The following ADAMTSL1 variants were observed in gnomAD, a reference collection of about 807,000 sequenced individuals.
ADAMTSL1 encodes ADAMTS like 1.
In ADAMTSL1, 126 loss-of-function variants were observed where a neutral mutation model predicts 201.8. The ratio of observed to expected loss-of-function variants is 0.62; its 90% CI spans 0.54 to 0.72. The LOEUF (loss-of-function observed/expected upper bound fraction) is 0.72, where lower values mean the gene tolerates loss of function less well. Ranked by LOEUF, ADAMTSL1 falls within the 30% of genes least tolerant of loss-of-function variation. The probability of loss-of-function intolerance (pLI) is 0.00; values close to 1 mark genes in which losing one functional copy is unlikely to be tolerated. For synonymous variants in ADAMTSL1, 1,121 were observed against 903.4 expected, an observed-to-expected ratio of 1.24 and a Z score of -4.32; for missense variants, 2,679 against 2,277.8, an observed-to-expected ratio of 1.18 and a Z score of -3.59.
intron 20 of ADAMTSL1, among the ~76,000 whole-genome samples, chr9:18,806,382 C>G (rs1183177016): frequency 6.6e-6 from 1 of 152,172 alleles, no homozygotes; most frequent in Non-Finnish European, 1.5e-5. Context: ...GGAAAATTAT[C>G]TAGCTGTGTG....
At chr9:18,560,410 C>T (rs1821409545) in intron 3 of ADAMTSL1, among the ~76,000 whole-genome samples, 1 of 152,092 alleles carries the variant, frequency 6.6e-6, no homozygotes. Flanking sequence ...TTCAGTTTGC[C>T]AGTATTTTGT....
intron 1 of ADAMTSL1, among the ~76,000 whole-genome samples, chr9:18,090,842 C>A (rs1003060740): frequency 3.9e-5 from 6 of 152,124 alleles, no homozygotes; most frequent in Admixed American, 3.3e-4. Flanking sequence ...TCTGCCTTCT[C>A]TCCTTCCTCC....
chr9:18,721,429 T>G, intron 14 of ADAMTSL1, 107 bp from the exon 15 acceptor site: 2 of 1,459,434 alleles, frequency 1.4e-6, no homozygotes, highest in Non-Finnish European at 1.9e-6. Flanking sequence ...ACAGCGAGAG[T>G]CCTACAGAAC....
At chr9:18,303,286 T>A (rs1017034270) in intron 2 of ADAMTSL1, among the ~76,000 whole-genome samples, 4 of 152,226 alleles carry the variant, frequency 2.6e-5, no homozygotes, top group Non-Finnish European at 4.4e-5. Flanking sequence ...TGCCTCAAGT[T>A]GGATTGCCTA....
At chr9:18,346,725 C>T (rs1010568425) in intron 2 of ADAMTSL1, among the ~76,000 whole-genome samples, 1 of 152,106 alleles carries the variant, frequency 6.6e-6, no homozygotes, top group Non-Finnish European at 1.5e-5. Context: ...GTCCAGAAAT[C>T]TTTAGACGTT....
intron 23 of ADAMTSL1, among the ~76,000 whole-genome samples, chr9:18,860,556 A>G (rs967185329): frequency 1.3e-5 from 2 of 152,202 alleles, no homozygotes; most frequent in Non-Finnish European, 2.9e-5. Context: ...CTTACCAACA[A>G]TGACAAACAT....
intron 2 of ADAMTSL1, among the ~76,000 whole-genome samples, chr9:18,445,641 C>T (rs1234949720): frequency 1.3e-5 from 2 of 152,020 alleles, no homozygotes; most frequent in Non-Finnish European, 2.9e-5. Context: ...AAAATACTAA[C>T]CAAGACTCAT....
At chr9:17,936,535 CTG>C (rs779143119) in intron 1 of ADAMTSL1, among the ~76,000 whole-genome samples, 11 of 152,182 alleles carry the variant, frequency 7.2e-5, no homozygotes, top group Admixed American at 1.3e-4. Context: ...CAGTTGATCT[CTG>C]AGGTCCTTTC....
At chr9:18,162,286 C>T (rs114280796) in intron 1 of ADAMTSL1, among the ~76,000 whole-genome samples, 147 of 152,124 alleles carry the variant, frequency 9.7e-4, no homozygotes, top group African/African-American at 3.3e-3. Context: ...TGTCACATCG[C>T]TGACTTCCTC....
At chr9:18,606,263 G>A (rs1227659450) in intron 4 of ADAMTSL1, among the ~76,000 whole-genome samples, 1 of 152,152 alleles carries the variant, frequency 6.6e-6, no homozygotes, top group East Asian at 1.9e-4. Context: ...TTTCAAGGGG[G>A]TTGTTTTCAT....
intron 1 of ADAMTSL1, among the ~76,000 whole-genome samples, chr9:17,926,999 G>A (rs530184332): frequency 1.4e-4 from 22 of 152,176 alleles, no homozygotes; most frequent in African/African-American, 3.4e-4. Context: ...ATTACCATCC[G>A]TCTCCAGAGC....
intron 4 of ADAMTSL1, among the ~76,000 whole-genome samples, chr9:18,597,580 C>T (rs1708070813): frequency 2.0e-5 from 3 of 152,076 alleles, no homozygotes; most frequent in Admixed American, 2.0e-4. Flanking sequence ...ATTCAGGAAG[C>T]CTTTTTGAGA....
At chr9:18,656,928 C>A (rs1380139005) in intron 7 of ADAMTSL1, among the ~76,000 whole-genome samples, 1 of 151,630 alleles carries the variant, frequency 6.6e-6, no homozygotes, top group Non-Finnish European at 1.5e-5. Context: ...CTCACATACC[C>A]CCTTTAAAAA....
intron 2 of ADAMTSL1, among the ~76,000 whole-genome samples, chr9:18,264,475 C>T (rs1832043963): frequency 6.6e-6 from 1 of 152,052 alleles, no homozygotes; most frequent in Non-Finnish European, 1.5e-5. Context: ...GAATAACAAC[C>T]TGTAGGGGCT....
In ADAMTSL1 at chr9:18,266,747, A is replaced by G. The variant is rs981844588; in HGVS notation, c.207+102766A>G. On this transcript the variant is annotated intron_variant, in intron 2 of 29. Transcript: ENST00000680146. ...CCCCATTGGACAAGACTCAGTAAAC[A>G]TGGCCAGCTTCTGACTCTTTGGAAT... Among the ~76,000 whole-genome samples, 7 of 152,178 alleles carry G rather than the reference A, an allele frequency of 4.6e-5. No individual in the cohort carries two copies. The East Asian group carries it at 1.4e-3, about 29-fold the overall frequency.
chr9:18,503,934 T>C (rs894199465), intron 1 of ADAMTSL1, among the ~76,000 whole-genome samples: 1 of 152,054 alleles, frequency 6.6e-6, no homozygotes, highest in Non-Finnish European at 1.5e-5. Flanking sequence ...TAGTTCTAGG[T>C]GGGCTAAGTT....
chr9:18,418,826 A>G (rs1307100079), intron 2 of ADAMTSL1, among the ~76,000 whole-genome samples: 2 of 152,238 alleles, frequency 1.3e-5, no homozygotes, highest in Non-Finnish European at 2.9e-5. Context: ...GATATTCTGT[A>G]TAGACACAAT....
At chr9:18,681,992 T>C in intron 12 of ADAMTSL1, 33 bp downstream of exon 12, 1 of 1,611,360 alleles carries the variant, frequency 6.2e-7, no homozygotes, top group Non-Finnish European at 8.5e-7. Context: ...ACCAGCCTGT[T>C]AATTGTTGTG....
At chr9:18,250,699 T>A (rs1488449955) in intron 2 of ADAMTSL1, among the ~76,000 whole-genome samples, 1 of 152,104 alleles carries the variant, frequency 6.6e-6, no homozygotes, top group Non-Finnish European at 1.5e-5. Flanking sequence ...AGTGTTCTCA[T>A]GCCTTGCTCG....
Sources: gnomAD v4.1 joint callset for allele counts (sites outside exome capture counted in the v4.1 genomes callset) on GRCh38, gnomAD v4.1.1 for gene constraint, MANE v1.5 for transcripts, NCBI Gene and HGNC (gene_info 2026-07-23, HGNC 2026-07-21) for gene names.